The following ABI2 variants were observed in gnomAD, a reference collection of about 807,000 sequenced individuals.
The protein encoded by ABI2 is abl interactor 2.
A neutral mutation model predicts 59.2 loss-of-function variants in ABI2; 25 were observed. That is an observed-to-expected ratio of 0.42 (90% confidence interval 0.31 to 0.59). The LOEUF (loss-of-function observed/expected upper bound fraction) is 0.59, where lower values mean the gene tolerates loss of function less well. Ranked by LOEUF, ABI2 falls within the 20% of genes least tolerant of loss-of-function variation. ABI2 has a pLI of 0.14. For synonymous variants in ABI2, 213 were observed against 235.5 expected (o/e 0.90, Z 0.87); for missense variants, 545 against 681.8 (o/e 0.80, Z 2.23).
At chr2:203,381,099 A>AT (rs2153219151) in intron 3 of ABI2, among the ~76,000 whole-genome samples, 1 of 152,360 alleles carries the variant, frequency 6.6e-6, no homozygotes, top group East Asian at 1.9e-4. Flanking sequence ...TGTACAGTTC[A>AT]TGTAGTTGAT....
intron 1 of ABI2, among the ~76,000 whole-genome samples, chr2:203,363,859 G>A (rs190577872): frequency 4.7e-4 from 72 of 152,146 alleles, no homozygotes; most frequent in African/African-American, 1.7e-3. Context: ...CTGCCTCCTG[G>A]GTTCAAGCAA....
intron 1 of ABI2, among the ~76,000 whole-genome samples, chr2:203,338,979 T>TAC (rs1182721838): frequency 1.7e-4 from 2 of 11,622 alleles, no homozygotes; most frequent in African/African-American, 4.9e-4. Context: ...TATATATATA[T>TAC]ATAAATATAT....
At chr2:203,353,335 G>A (rs2090046774) in intron 1 of ABI2, among the ~76,000 whole-genome samples, 1 of 152,066 alleles carries the variant, frequency 6.6e-6, no homozygotes, top group African/African-American at 2.4e-5. Context: ...GCGCTTCATA[G>A]CTACATGTGG....
In ABI2 at chr2:203,402,604, T is replaced by C; in HGVS notation, c.1062T>C (p.Asn354=). 1 of 1,593,538 alleles carries C rather than the reference T, an allele frequency of 6.3e-7. No homozygotes were observed. The highest frequency in any genetic ancestry group is 8.5e-7 in the Non-Finnish European group (1 of 1,172,940). Reference sequence around the variant, plus strand: ...ATCCTGTACAGTTCTACAGCATGAATAGGCCTGCCTCTCGCCATACTCCCC... The same window carrying C: ...ATCCTGTACAGTTCTACAGCATGAACAGGCCTGCCTCTCGCCATACTCCCC... ...TGHPVQFYSM[N]RPASRHTPPT... The change falls in exon 9 of 12, where the codon AAT becomes AAC. Residue 354 remains asparagine (N), a synonymous_variant. Transcript: ENST00000261018.
intron 1 of ABI2, among the ~76,000 whole-genome samples, chr2:203,353,438 C>T (rs2090113459): frequency 6.6e-6 from 1 of 152,110 alleles, no homozygotes; most frequent in South Asian, 2.1e-4. Context: ...ATGAGTACCC[C>T]TTTTACCTCT....
At chr2:203,360,184 CAAAAAAAAA>C (rs58857922) in intron 1 of ABI2, among the ~76,000 whole-genome samples, 2 of 70,906 alleles carry the variant, frequency 2.8e-5, no homozygotes, top group Admixed American at 1.8e-4. Context: ...GACTCCATCT[CAAAAAAAAA>C]AAAAAAAAAA....
At chr2:203,384,654 A>AG (rs1233719064) in intron 4 of ABI2, among the ~76,000 whole-genome samples, 1 of 151,762 alleles carries the variant, frequency 6.6e-6, no homozygotes, top group East Asian at 1.9e-4. Flanking sequence ...CCTGTTACTG[A>AG]GGTCAGTATG....
intron 8 of ABI2, among the ~76,000 whole-genome samples, chr2:203,402,252 C>A (rs1426587361): frequency 1.3e-5 from 2 of 152,282 alleles, no homozygotes; most frequent in East Asian, 3.9e-4. Flanking sequence ...CCAGGCTGGT[C>A]TGAAACTCCT....
At chr2:203,355,158 T>C (rs1280278454) in intron 1 of ABI2, 7 of 394,368 alleles carry the variant, frequency 1.8e-5, no homozygotes, top group Non-Finnish European at 3.7e-5. Context: ...TTCTAGGCTT[T>C]CCGTTTTGAC....
intron 1 of ABI2, among the ~76,000 whole-genome samples, chr2:203,336,804 A>G (rs1423260296): frequency 6.6e-6 from 1 of 152,200 alleles, no homozygotes; most frequent in African/African-American, 2.4e-5. Flanking sequence ...TGCCTTGACA[A>G]TAAATATCTA....
rs549224529 is a variant in ABI2, at chr2:203,328,436, C to T, written c.-79C>T. ...GCCGTCGCCGCCGCTCCTCCTCTCC[C>T]GGTCCTGGGTTTCCTTGGCGCTGCG... On this transcript the variant is annotated 5_prime_UTR_variant, in exon 1 of 12. Coordinates refer to ENST00000261018, the MANE Select transcript of ABI2 (RefSeq NM_001375670.1). 7.4e-6 allele frequency: 9 copies of T among 1,211,866 alleles called. No homozygotes were observed. In the South Asian group the frequency reaches 8.0e-5, roughly 11 times the overall value. The allele number at this position is 1,211,866 out of a possible 1,614,324, so 75.1% of individuals were successfully genotyped here. A position where few individuals can be genotyped will look rare whatever the true frequency, so the allele number is the denominator to read the frequency against.
chr2:203,376,822 T>A (rs1310128742), intron 2 of ABI2, among the ~76,000 whole-genome samples: 3 of 151,538 alleles, frequency 2.0e-5, no homozygotes, highest in African/African-American at 4.8e-5. Flanking sequence ...GTGGGTAATA[T>A]GTAAATGTCC....
Position 203,396,776 on chromosome 2 carries a change from T to TC in ABI2, c.851-5dup. The TC allele has an allele frequency of 6.6e-7, 1 of 1,521,210 alleles. No individual in the cohort carries two copies. Among genetic ancestry groups the TC allele is most frequent in the Non-Finnish European group, 8.8e-7 (1 of 1,140,570 alleles). The allele number at this position is 1,521,210 out of a possible 1,614,324, so 94.2% of individuals were successfully genotyped here. ...ATTAATGCTGCCTCTTACTCCTCTT[T>TC]CCCCTCAGCCCCTGCTGGCTCTGCT... On this transcript the variant is annotated splice_polypyrimidine_tract_variant and intron_variant, in intron 7 of 11. Coordinates refer to ENST00000261018, the MANE Select transcript of ABI2 (RefSeq NM_001375670.1).
chr2:203,424,185 G>A (rs979443282), intron 11 of ABI2, among the ~76,000 whole-genome samples: 8 of 152,102 alleles, frequency 5.3e-5, no homozygotes, highest in South Asian at 4.2e-4. Flanking sequence ...TCTCAACATC[G>A]GTATTTTGAA....
rs1575324381 is a variant in ABI2, at chr2:203,328,450, C to G, written c.-65C>G. 1.4e-6 allele frequency: 2 copies of G among 1,380,846 alleles called. No individual in the cohort carries two copies. The highest frequency in any genetic ancestry group is 2.7e-5 in the East Asian group (1 of 37,368). 85.5% of individuals were successfully genotyped at this position (1,380,846 alleles called of 1,614,324 possible). ...TCCTCCTCTCCCGGTCCTGGGTTTC[C>G]TTGGCGCTGCGGCCGCCGCTCCCTC... On this transcript the variant is annotated 5_prime_UTR_variant, in exon 1 of 12. Transcript: ENST00000261018.
chr2:203,360,446 A>G lies in ABI2; in HGVS notation c.118-6431A>G, dbSNP rs372395964. ...TGAGAAGCTGGAAAGGAGAAATGGG[A>G]TATGATGAAGGGAAACAAATTTGGT... On this transcript the variant is annotated intron_variant, in intron 1 of 11. Coordinates refer to ENST00000261018, the MANE Select transcript of ABI2 (RefSeq NM_001375670.1). Among the ~76,000 whole-genome samples the G allele has an allele frequency of 2.4e-4, 36 of 152,212 alleles. 1 individual carries two copies. The highest frequency in any genetic ancestry group is 1.2e-3 in the East Asian group (6 of 5,166).
At chr2:203,422,595 T>C (rs1234630522) in intron 11 of ABI2, among the ~76,000 whole-genome samples, 1 of 152,052 alleles carries the variant, frequency 6.6e-6, no homozygotes, top group Non-Finnish European at 1.5e-5. Flanking sequence ...ATGGAAGCCA[T>C]GGAGGAAAAT....
chr2:203,395,360 G>T, intron 6 of ABI2, among the ~76,000 whole-genome samples: 1 of 149,014 alleles, frequency 6.7e-6, no homozygotes, highest in Non-Finnish European at 1.5e-5. Flanking sequence ...TGTATTTATG[G>T]ATAATTTTTT....
chr2:203,398,134 C>T (rs537361829), intron 8 of ABI2, among the ~76,000 whole-genome samples: 2 of 152,296 alleles, frequency 1.3e-5, no homozygotes, highest in East Asian at 3.9e-4. Context: ...TTTTAAAAGA[C>T]ACTTTTAGCC....
Sources: allele counts gnomAD v4.1 joint callset (sites outside exome capture counted in the v4.1 genomes callset), GRCh38; gene constraint gnomAD v4.1.1; transcripts MANE v1.5; gene names NCBI Gene and HGNC (gene_info 2026-07-23, HGNC 2026-07-21).